The following SSH1 variants were observed in gnomAD, a reference collection of about 807,000 sequenced individuals.
SSH1 encodes slingshot protein phosphatase 1, also known as protein phosphatase Slingshot homolog 1.
A neutral mutation model predicts 79.7 loss-of-function variants in SSH1; 43 were observed. The observed-to-expected ratio is 0.54, with a 90% CI of 0.42 to 0.70. The LOEUF is 0.70. Ranked by LOEUF, SSH1 falls within the 30% of genes least tolerant of loss-of-function variation. The pLI is 0.00. For missense variants in SSH1, 1,206 were observed against 1,358.8 expected (o/e 0.89, Z 1.77); for synonymous variants, 599 against 538.3 (o/e 1.11, Z -1.56).
At chr12:108,793,616 GTAC>G (rs1348704916) in intron 13 of SSH1, among the ~76,000 whole-genome samples, 2 of 151,864 alleles carry the variant, frequency 1.3e-5, no homozygotes, top group Non-Finnish European at 2.9e-5. Flanking sequence ...AGCTGGTCTT[GTAC>G]TCCTGGTCTC....
At chr12:108,851,498 T>TA (rs1401244757) in intron 2 of SSH1, among the ~76,000 whole-genome samples, 1 of 152,216 alleles carries the variant, frequency 6.6e-6, no homozygotes, top group East Asian at 1.9e-4. Flanking sequence ...TATTTACTTT[T>TA]TTTAAAACTA....
At chr12:108,809,524 T>C (rs1010411659) in intron 7 of SSH1, among the ~76,000 whole-genome samples, 169 bp downstream of exon 7, 2 of 151,064 alleles carry the variant, frequency 1.3e-5, no homozygotes, top group Non-Finnish European at 2.9e-5. Context: ...CCGCTAAAAA[T>C]TGTGCCTTTA....
At chr12:108,837,248 A>C (rs2038658689) in intron 2 of SSH1, among the ~76,000 whole-genome samples, 1 of 152,192 alleles carries the variant, frequency 6.6e-6, no homozygotes, top group African/African-American at 2.4e-5. Context: ...TAAAAAAATA[A>C]AATAAAATCC....
At chr12:108,813,297 G>A (rs1302440710) in intron 5 of SSH1, among the ~76,000 whole-genome samples, 1 of 152,198 alleles carries the variant, frequency 6.6e-6, no homozygotes, top group Admixed American at 6.5e-5. Context: ...GGGTCTGGAG[G>A]TCCAGGCAGG....
At chr12:108,835,967 ATAT>A (rs2038606416) in intron 2 of SSH1, among the ~76,000 whole-genome samples, 1 of 146,198 alleles carries the variant, frequency 6.8e-6, no homozygotes, top group African/African-American at 2.5e-5. Context: ...GATTATAACT[ATAT>A]TAATATAATC....
Position 108,778,277 on chromosome 12 carries a change from G to C in SSH1, c.*9711C>G, listed in dbSNP as rs1460379977. ...CAAACGCACGCATAAGTCCACAGGG[G>C]CTCCTTTTCATGGCATATCTCATTT... is the stretch of plus-strand genomic sequence containing the variant. On this transcript the variant is annotated 3_prime_UTR_variant, in exon 15 of 15. Coordinates refer to ENST00000326495, the MANE Select transcript of SSH1 (RefSeq NM_018984.4). 6.6e-6 allele frequency: 1 copy of C among 152,196 alleles called. No homozygotes were observed. Among genetic ancestry groups the C allele is most frequent in the Non-Finnish European group, 1.5e-5 (1 of 68,054 alleles). 9.4% of individuals were successfully genotyped at this position (152,196 alleles called of 1,614,324 possible).
intron 2 of SSH1, among the ~76,000 whole-genome samples, chr12:108,833,289 A>C: frequency 6.6e-6 from 1 of 152,054 alleles, no homozygotes; most frequent in South Asian, 2.1e-4. Context: ...ATCTTCCTCC[A>C]AGCATCATCT....
At chr12:108,811,443 C>T in intron 5 of SSH1, 115 bp from the exon 6 acceptor site, 1 of 891,726 alleles carries the variant, frequency 1.1e-6, no homozygotes, top group South Asian at 1.3e-5. Flanking sequence ...TGGGAGTAGG[C>T]TGTCTGCATA....
intron 5 of SSH1, chr12:108,811,694 G>A: frequency 2.8e-6 from 1 of 363,210 alleles, no homozygotes; most frequent in Non-Finnish European, 5.3e-6. Flanking sequence ...GTGGCGGCAG[G>A]GGGAGCGTGC....
chr12:108,808,589 C>A (rs549044296), intron 7 of SSH1, among the ~76,000 whole-genome samples: 1 of 152,278 alleles, frequency 6.6e-6, no homozygotes, highest in Admixed American at 6.5e-5. Flanking sequence ...TTAAGCTTAG[C>A]AGCTGGAAGA....
chr12:108,801,183 T>C (rs1765115617), intron 11 of SSH1, among the ~76,000 whole-genome samples: 1 of 152,190 alleles, frequency 6.6e-6, no homozygotes. Context: ...AAGCTCAGTT[T>C]AAAGCATTCT....
intron 2 of SSH1, among the ~76,000 whole-genome samples, chr12:108,838,147 A>C (rs796651115): frequency 2.0e-5 from 3 of 152,156 alleles, no homozygotes; most frequent in African/African-American, 7.2e-5. Flanking sequence ...ACGACCTGTA[A>C]TTTTTCTTTA....
intron 1 of SSH1, among the ~76,000 whole-genome samples, chr12:108,855,370 C>T (rs572318858): frequency 1.1e-4 from 17 of 152,156 alleles, no homozygotes; most frequent in African/African-American, 2.2e-4. Context: ...TGAGGGCTAA[C>T]GGGTACAGGG....
intron 2 of SSH1, among the ~76,000 whole-genome samples, chr12:108,849,835 A>G: frequency 1.3e-5 from 1 of 76,598 alleles, no homozygotes; most frequent in South Asian, 5.9e-4. Context: ...CCAGGGGAGG[A>G]GGCATGGGGG....
intron 2 of SSH1, among the ~76,000 whole-genome samples, chr12:108,842,340 C>A (rs2038797765): frequency 6.6e-6 from 1 of 152,198 alleles, no homozygotes; most frequent in Admixed American, 6.5e-5. Context: ...GGGGTTAGGG[C>A]AGGACTCAGG....
intron 1 of SSH1, among the ~76,000 whole-genome samples, chr12:108,856,318 A>G (rs1289006061): frequency 6.6e-6 from 1 of 152,258 alleles, no homozygotes; most frequent in Non-Finnish European, 1.5e-5. Context: ...GCCTAGGACA[A>G]GCCAGGCCAA....
intron 2 of SSH1, among the ~76,000 whole-genome samples, chr12:108,845,370 C>T (rs2038875957): frequency 6.6e-6 from 1 of 152,104 alleles, no homozygotes; most frequent in Non-Finnish European, 1.5e-5. Context: ...CCCATGGAAG[C>T]TGTGAGATAA....
intron 8 of SSH1, among the ~76,000 whole-genome samples, chr12:108,806,753 G>A (rs533955259): frequency 6.6e-6 from 1 of 152,352 alleles, no homozygotes; most frequent in African/African-American, 2.4e-5. Flanking sequence ...CTCACTGTCT[G>A]AGGCAGCCCG....
At chr12:108,851,598 A>T (rs1241800162) in intron 2 of SSH1, among the ~76,000 whole-genome samples, 1 of 152,210 alleles carries the variant, frequency 6.6e-6, no homozygotes, top group African/African-American at 2.4e-5. Flanking sequence ...AATCAACAAA[A>T]CACCCAAACA....
Sources: allele counts gnomAD v4.1 joint callset (sites outside exome capture counted in the v4.1 genomes callset), GRCh38; gene constraint gnomAD v4.1.1; transcripts MANE v1.5; gene names NCBI Gene and HGNC (gene_info 2026-07-23, HGNC 2026-07-21).